SHISAL1: variants seen among roughly 807,000 people sequenced by gnomAD.
SHISAL1 encodes the protein protein shisa-like-1.
Under a neutral mutation model 22.6 loss-of-function variants are expected in SHISAL1, and 9 were observed. The ratio of observed to expected loss-of-function variants is 0.40; its 90% CI spans 0.24 to 0.70. SHISAL1 has a LOEUF of 0.70. Ranked by LOEUF, SHISAL1 falls within the 30% of genes least tolerant of loss-of-function variation. The pLI is 0.39. For synonymous variants in SHISAL1, 119 were observed against 115.4 expected, an observed-to-expected ratio of 1.03 and a Z score of -0.20; for missense variants, 246 against 270.6, an observed-to-expected ratio of 0.91 and a Z score of 0.64.
chr22:44,301,465 C>A (rs1370450010), intron 1 of SHISAL1, among the ~76,000 whole-genome samples: 1 of 152,236 alleles, frequency 6.6e-6, no homozygotes, highest in Non-Finnish European at 1.5e-5. Flanking sequence ...GAAATAGAAG[C>A]AGTTCCTCCC....
chr22:44,308,140 C>G (rs1192815104), intron 1 of SHISAL1, among the ~76,000 whole-genome samples: 2 of 152,210 alleles, frequency 1.3e-5, no homozygotes, highest in Admixed American at 1.3e-4. Context: ...GGGGTGACAC[C>G]TGAGCCTCAG....
chr22:44,283,998 C>G (rs1210794881), intron 4 of SHISAL1, among the ~76,000 whole-genome samples: 2 of 152,072 alleles, frequency 1.3e-5, no homozygotes, highest in African/African-American at 4.8e-5. Flanking sequence ...CTCTACCCAT[C>G]ACCTCCACAT....
chr22:44,272,687 G>A (rs779016154), intron 4 of SHISAL1, among the ~76,000 whole-genome samples: 38 of 152,178 alleles, frequency 2.5e-4, no homozygotes, highest in Non-Finnish European at 5.0e-4. Context: ...TTTGCCTGGG[G>A]AAGGGCCAGG....
chr22:44,307,736 A>G (rs964385754), intron 1 of SHISAL1, among the ~76,000 whole-genome samples: 4 of 152,208 alleles, frequency 2.6e-5, no homozygotes, highest in South Asian at 2.1e-4. Flanking sequence ...TTAAACACCG[A>G]ACTTGGCGAG....
chr22:44,306,570 GGGGAGCTGTGATGACGATGGCA>G (rs2055476678), intron 1 of SHISAL1, among the ~76,000 whole-genome samples: 1 of 19,806 alleles, frequency 5.0e-5, no homozygotes, highest in Non-Finnish European at 1.2e-4. Flanking sequence ...AACTGAGCTC[GGGGAGCTGTGATGACGATGGCA>G]TGTGTGGAGG....
chr22:44,271,949 C>G (rs145745539), intron 4 of SHISAL1, among the ~76,000 whole-genome samples: 1 of 152,224 alleles, frequency 6.6e-6, no homozygotes. Context: ...TAATTACTCA[C>G]GCAAGCTGGC....
the SHISAL1 span, among the ~76,000 whole-genome samples, chr22:44,318,691 C>T: frequency 6.6e-6 from 1 of 152,250 alleles, no homozygotes; most frequent in Non-Finnish European, 1.5e-5. Flanking sequence ...GGGTCAGTCA[C>T]CAGGGCTGCC....
intron 4 of SHISAL1, among the ~76,000 whole-genome samples, chr22:44,255,282 A>T (rs1212534830): frequency 1.3e-5 from 2 of 152,196 alleles, no homozygotes; most frequent in Non-Finnish European, 2.9e-5. Context: ...CCTAAACTCC[A>T]TTCTGATGGC....
chr22:44,313,815 T>C (rs1319993336), upstream of SHISAL1, among the ~76,000 whole-genome samples: 4 of 152,218 alleles, frequency 2.6e-5, no homozygotes. Context: ...CACCCATCCC[T>C]GGAAGCCTGC....
Position 44,296,803 on chromosome 22 carries a change from G to A in SHISAL1, c.150C>T (p.Leu50=). 6.2e-7 allele frequency: 1 copy of A among 1,613,986 alleles called. No homozygotes were observed. Among genetic ancestry groups the A allele is most frequent in the Non-Finnish European group, 8.5e-7 (1 of 1,180,028 alleles). Residue 50 remains leucine, a synonymous_variant, in exon 3 of 5, where the codon CTC becomes CTT. Coordinates refer to ENST00000381176, the MANE Select transcript of SHISAL1 (RefSeq NM_001099294.2). ...AGAGGATGAAGGTCTTGTTGTCCGA[G>A]AGCCGGGGGCAGTGGAAGCCAAAGT... ...RYHFGFHCPR[L]SDNKTFILCC...
At chr22:44,273,466 T>C (rs1760433669) in intron 4 of SHISAL1, among the ~76,000 whole-genome samples, 1 of 152,232 alleles carries the variant, frequency 6.6e-6, no homozygotes, top group Non-Finnish European at 1.5e-5. Context: ...ATTATCTCTG[T>C]GTTTAATACA....
At chr22:44,321,460 G>A in the SHISAL1 span, among the ~76,000 whole-genome samples, 5 of 152,102 alleles carry the variant, frequency 3.3e-5, no homozygotes, top group Non-Finnish European at 7.4e-5. Context: ...GGGTCCCCTT[G>A]ATGCTCAGCC....
At position 44,246,506 on chromosome 22, in the gene SHISAL1, A is replaced by T. The variant is rs1484724568; in HGVS notation, c.*3179T>A. Reference sequence around the variant, plus strand: ...TCTAGCTATGCTTGAACTCGTCACTACCCTGCATCCATCTTGTTCTCAGGG... The same window carrying T: ...TCTAGCTATGCTTGAACTCGTCACTTCCCTGCATCCATCTTGTTCTCAGGG... On this transcript the variant is annotated 3_prime_UTR_variant, in exon 5 of 5. Transcript: ENST00000381176. 6.6e-6 allele frequency: 1 copy of T among 152,130 alleles called. No homozygotes were observed. Among genetic ancestry groups the T allele is most frequent in the Non-Finnish European group, 1.5e-5 (1 of 68,046 alleles). The allele number at this position is 152,130 out of a possible 1,614,324, so 9.4% of individuals were successfully genotyped here.
intron 1 of SHISAL1, among the ~76,000 whole-genome samples, chr22:44,311,288 C>G (rs559783503): frequency 7.9e-5 from 12 of 152,194 alleles, no homozygotes; most frequent in South Asian, 2.1e-4. Flanking sequence ...GAGAAGCACA[C>G]TGCCACGAAG....
intron 4 of SHISAL1, among the ~76,000 whole-genome samples, chr22:44,266,689 C>G (rs1490532439): frequency 6.6e-6 from 1 of 151,944 alleles, no homozygotes; most frequent in Admixed American, 6.6e-5. Context: ...TGTGGCCTCT[C>G]TGAGCCTGAG....
At chr22:44,267,427 C>A (rs1281339643) in intron 4 of SHISAL1, among the ~76,000 whole-genome samples, 2 of 151,918 alleles carry the variant, frequency 1.3e-5, no homozygotes, top group Non-Finnish European at 2.9e-5. Context: ...CCACCCCAGG[C>A]CCTGGCCAAT....
intron 4 of SHISAL1, among the ~76,000 whole-genome samples, chr22:44,255,081 C>G (rs975911576): frequency 5.9e-5 from 9 of 152,178 alleles, no homozygotes; most frequent in Admixed American, 1.3e-4. Context: ...CCTGCTCCAG[C>G]CCTTTGCTGG....
intron 3 of SHISAL1, among the ~76,000 whole-genome samples, chr22:44,292,260 A>G (rs931343145): frequency 3.3e-5 from 5 of 152,090 alleles, no homozygotes; most frequent in African/African-American, 1.2e-4. Flanking sequence ...CCCTTCCGGG[A>G]GTCACATTGT....
At chr22:44,319,147 C>T in the SHISAL1 span, among the ~76,000 whole-genome samples, 2 of 152,270 alleles carry the variant, frequency 1.3e-5, no homozygotes, top group South Asian at 2.1e-4. Context: ...GCCCTGGCCT[C>T]GCACGCGGTG....
Sources: allele counts gnomAD v4.1 joint callset (sites outside exome capture counted in the v4.1 genomes callset), GRCh38; gene constraint gnomAD v4.1.1; transcripts MANE v1.5; gene names NCBI Gene and HGNC (gene_info 2026-07-23, HGNC 2026-07-21).